The following CHRDL1 variants were observed in gnomAD, a reference collection of about 807,000 sequenced individuals.
CHRDL1 encodes the protein chordin like 1, also known as chordin-like protein 1.
In CHRDL1, 19 loss-of-function variants were observed where a neutral mutation model predicts 40.9. The ratio of observed to expected loss-of-function variants is 0.46; its 90% CI spans 0.32 to 0.68. CHRDL1 has a LOEUF of 0.68. Among genes scored for constraint, CHRDL1 ranks in the 30% least tolerant of loss-of-function variants. CHRDL1 has a pLI of 0.03. For synonymous variants in CHRDL1, 136 were observed against 123.4 expected (o/e 1.10, Z -0.68); for missense variants, 329 against 352.1 (o/e 0.93, Z 0.53).
intron 1 of CHRDL1, among the ~76,000 whole-genome samples, chrX:110,793,599 A>T (rs1239664994): frequency 8.9e-6 from 1 of 112,155 alleles, no homozygotes; most frequent in Non-Finnish European, 1.9e-5. Flanking sequence ...AATCATTTTC[A>T]TTAACAATTT....
intron 9 of CHRDL1, among the ~76,000 whole-genome samples, chrX:110,681,954 G>A (rs1326524557): frequency 1.8e-5 from 2 of 111,686 alleles, no homozygotes; most frequent in Non-Finnish European, 3.8e-5. Context: ...ACTGAGAAGT[G>A]GACTTTCATG....
Position 110,683,129 on chromosome X carries a change from T to C in CHRDL1, c.989-1480A>G, listed in dbSNP as rs146971564. ...GTACCTGTAATATGCTAAAAGTTCT[T>C]CCAGTAGCCTGAAGAGTCATCTTGC... On this transcript the variant is annotated intron_variant, in intron 9 of 11. Coordinates refer to ENST00000372042, the MANE Select transcript of CHRDL1 (RefSeq NM_001143981.2). 5.6e-4 allele frequency among the ~76,000 whole-genome samples: 63 copies of C among 112,417 alleles called. 1 individual carries two copies. The East Asian group carries it at 0.016, about 28-fold the overall frequency.
At chrX:110,740,589 C>T (rs1018676974) in intron 4 of CHRDL1, among the ~76,000 whole-genome samples, 1 of 112,213 alleles carries the variant, frequency 8.9e-6, no homozygotes, top group Non-Finnish European at 1.9e-5. Flanking sequence ...TTGTAGGTTG[C>T]TACTGCATCA....
intron 2 of CHRDL1, among the ~76,000 whole-genome samples, chrX:110,783,702 A>T (rs967960550): frequency 9.0e-6 from 1 of 111,726 alleles, no homozygotes; most frequent in Non-Finnish European, 1.9e-5. Flanking sequence ...GCTATTTTTC[A>T]AATGTATCAG....
chrX:110,752,798 A>G (rs1463719839), intron 4 of CHRDL1, among the ~76,000 whole-genome samples: 1 of 111,478 alleles, frequency 9.0e-6, no homozygotes, highest in Non-Finnish European at 1.9e-5. Context: ...ACTGTTAAAA[A>G]GGAATTGATC....
intron 9 of CHRDL1, among the ~76,000 whole-genome samples, chrX:110,682,639 G>A (rs1290842384): frequency 8.9e-6 from 1 of 112,123 alleles, no homozygotes; most frequent in Non-Finnish European, 1.9e-5. Flanking sequence ...TTGGATCTGT[G>A]ACTCTAATTA....
intron 9 of CHRDL1, among the ~76,000 whole-genome samples, chrX:110,683,439 C>T (rs1386935164): frequency 1.8e-5 from 2 of 112,041 alleles, no homozygotes; most frequent in African/African-American, 6.5e-5. Flanking sequence ...TGTTCCCATC[C>T]TGAGCCTTCC....
At chrX:110,734,225 T>C (rs1314467786) in intron 4 of CHRDL1, among the ~76,000 whole-genome samples, 2 of 111,600 alleles carry the variant, frequency 1.8e-5, no homozygotes, top group African/African-American at 6.5e-5. Context: ...ACCCTCTCTA[T>C]TGCCATACAA....
chrX:110,699,129 C>A (rs766617754), intron 7 of CHRDL1, among the ~76,000 whole-genome samples: 5 of 112,128 alleles, frequency 4.5e-5, no homozygotes, highest in African/African-American at 1.6e-4. Flanking sequence ...GAGTACTGTT[C>A]TCCAAACCCC....
chrX:110,738,317 C>G (rs1394733628), intron 4 of CHRDL1, among the ~76,000 whole-genome samples: 1 of 111,725 alleles, frequency 9.0e-6, no homozygotes. Context: ...ACGATAGACA[C>G]AGAAAAATCT....
intron 2 of CHRDL1, among the ~76,000 whole-genome samples, chrX:110,779,365 T>G (rs1044659231): frequency 8.9e-6 from 1 of 111,859 alleles, no homozygotes; most frequent in African/African-American, 3.2e-5. Context: ...TGTTCCATTT[T>G]GAGTAAATGT....
chrX:110,749,672 C>T (rs2089322166), intron 4 of CHRDL1, among the ~76,000 whole-genome samples: 1 of 111,682 alleles, frequency 9.0e-6, no homozygotes, highest in Non-Finnish European at 1.9e-5. Context: ...CCTAAGTCTG[C>T]CAGTTCCTAA....
At chrX:110,722,299 C>T (rs754461019) in intron 4 of CHRDL1, among the ~76,000 whole-genome samples, 74 of 111,024 alleles carry the variant, frequency 6.7e-4, no homozygotes, top group African/African-American at 2.1e-3. Flanking sequence ...GCCCGGCCAC[C>T]GCCTACATTT....
intron 4 of CHRDL1, among the ~76,000 whole-genome samples, chrX:110,746,846 C>T (rs771900537): frequency 6.3e-5 from 7 of 111,519 alleles, no homozygotes; most frequent in Non-Finnish European, 1.1e-4. Flanking sequence ...ATTATATATA[C>T]CTCCTTATAC....
intron 4 of CHRDL1, among the ~76,000 whole-genome samples, chrX:110,735,995 TTGTTTGGAAAAC>T (rs1397884879): frequency 8.9e-6 from 1 of 112,207 alleles, no homozygotes; most frequent in Non-Finnish European, 1.9e-5. Flanking sequence ...ACATATTATT[TTGTTTGGAAAAC>T]TGTTAGCAGC....
At chrX:110,703,975 G>A (rs1191932794) in intron 6 of CHRDL1, among the ~76,000 whole-genome samples, 1 of 111,362 alleles carries the variant, frequency 9.0e-6, no homozygotes, top group African/African-American at 3.3e-5. Context: ...AAAGGGAGGA[G>A]AGGGAGAGCG....
chrX:110,683,336 T>A lies in CHRDL1; in HGVS notation c.989-1687A>T, dbSNP rs1026174963. On this transcript the variant is annotated intron_variant, in intron 9 of 11. Transcript: ENST00000372042. The stretch of plus-strand genomic sequence containing the variant: ...TTTCACACTCTGCACTTCAAGGTGC[T>A]TTCTGATCACTATAGTTCACCTACT... Among the ~76,000 whole-genome samples the A allele has an allele frequency of 3.6e-5, 4 of 112,462 alleles. No homozygotes were observed. In the East Asian group the frequency reaches 8.3e-4, roughly 23 times the overall value.
chrX:110,791,323 G>A (rs2090096400), intron 2 of CHRDL1, among the ~76,000 whole-genome samples: 1 of 111,621 alleles, frequency 9.0e-6, no homozygotes, highest in African/African-American at 3.3e-5. Flanking sequence ...ATGGCTGCAA[G>A]TGGCCCAAAG....
intron 4 of CHRDL1, among the ~76,000 whole-genome samples, chrX:110,731,252 C>T (rs1448644294): frequency 9.0e-6 from 1 of 111,564 alleles, no homozygotes; most frequent in Admixed American, 9.5e-5. Flanking sequence ...AAGAGAAAGG[C>T]GCTATTGGGG....
Sources: allele counts gnomAD v4.1 joint callset (sites outside exome capture counted in the v4.1 genomes callset), GRCh38; gene constraint gnomAD v4.1.1; transcripts MANE v1.5; gene names NCBI Gene and HGNC (gene_info 2026-07-23, HGNC 2026-07-21).